Variants in C3orf22 observed in about 807,000 individuals in gnomAD.
C3orf22 encodes the protein uncharacterized protein C3orf22.
In C3orf22, 7 loss-of-function variants were observed where a neutral mutation model predicts 10.8. The ratio of observed to expected loss-of-function variants is 0.65; its 90% CI spans 0.37 to 1.22. The LOEUF is 1.22. Ranked by LOEUF, C3orf22 falls within the 50% of genes most tolerant of loss-of-function variation. C3orf22 has a pLI of 0.02. For missense variants in C3orf22, 173 were observed against 177.0 expected, an observed-to-expected ratio of 0.98 and a Z score of 0.13; for synonymous variants, 79 against 78.9, an observed-to-expected ratio of 1.00 and a Z score of 0.00.
intron 4 of C3orf22, chr3:126,536,194 A>T: frequency 1.6e-6 from 2 of 1,246,988 alleles, no homozygotes; most frequent in Non-Finnish European, 1.2e-6. Context: ...AAATGTGCCT[A>T]GATGGGTTGG....
At position 126,552,767 on chromosome 3, in the gene C3orf22, C is replaced by T. The variant is rs558429290; in HGVS notation, c.89+535G>A. 3.7e-4 allele frequency among the ~76,000 whole-genome samples: 57 copies of T among 152,336 alleles called. 1 individual carries two copies. The South Asian group carries it at 0.012, about 31-fold the overall frequency. On this transcript the variant is annotated intron_variant, in intron 2 of 3. Coordinates refer to ENST00000318225, the MANE Select transcript of C3orf22 (RefSeq NM_152533.3). ...GGTTGCACGGTGCCAAGCTGAGCCCCAGTGCCAGGTGCTGCCTGCTGTCCT... is the reference window on the plus strand; with the variant it reads ...GGTTGCACGGTGCCAAGCTGAGCCCTAGTGCCAGGTGCTGCCTGCTGTCCT...
At chr3:126,542,652 C>G in intron 4 of C3orf22, 1 of 1,391,906 alleles carries the variant, frequency 7.2e-7, no homozygotes, top group Non-Finnish European at 9.3e-7. Flanking sequence ...CAGGTGCTGC[C>G]GGCCCCAGGA....
chr3:126,529,388 G>A (rs1323891600), intron 4 of C3orf22: 1 of 1,289,112 alleles, frequency 7.8e-7, no homozygotes, highest in Admixed American at 2.3e-5. Flanking sequence ...GATGCCGCAA[G>A]GGGGGACAGG....
intron 4 of C3orf22, among the ~76,000 whole-genome samples, chr3:126,539,698 A>T (rs1412346354): frequency 1.9e-5 from 2 of 107,712 alleles, no homozygotes; most frequent in African/African-American, 7.4e-5. Context: ...CCACACACAC[A>T]CCACACACAT....
chr3:126,536,257 C>T lies in C3orf22; in HGVS notation c.287-6885G>A, dbSNP rs1414112204. On this transcript the variant is annotated intron_variant and NMD_transcript_variant, in intron 4 of 5. Transcript: ENST00000505070. ...TCTGATATGGTGGCGACATCTCTCT[C>T]CTTATGCCCACAGCATTTGGAAACA... The T allele has an allele frequency of 1.9e-6, 3 of 1,612,762 alleles. No homozygotes were observed. The South Asian group carries it at 3.3e-5, about 18-fold the overall frequency.
rs1937143995 is a variant in C3orf22 at position 126,549,957 on chromosome 3, G to T, written c.337C>A (p.Gln113Lys). The T allele has an allele frequency of 6.2e-7, 1 of 1,614,032 alleles. No homozygotes were observed. The change falls in exon 4 of 4, where the codon CAA becomes AAA. Residue 113 changes from glutamine (Q) to lysine (K), a missense_variant. Coordinates refer to ENST00000318225, the MANE Select transcript of C3orf22 (RefSeq NM_152533.3). ...CGGGTGGACAGCAGGAAGGCGAGTT[G>T]TCTGGGGAAGCGGCGACTCAGCAAC... ...LKLLSRRFPR[Q>K]LAFLLSTRHT...
chr3:126,546,333 C>T (rs796856472), downstream of C3orf22, among the ~76,000 whole-genome samples: 2 of 152,310 alleles, frequency 1.3e-5, no homozygotes, highest in African/African-American at 4.8e-5. Context: ...CTGCATGGTG[C>T]CCCAGATTTC....
intron 4 of C3orf22, among the ~76,000 whole-genome samples, chr3:126,543,711 AGTGTGCAT>A (rs1559750996): frequency 6.7e-6 from 1 of 150,358 alleles, no homozygotes. Context: ...TGAGTGTAAG[AGTGTGCAT>A]GTGTGCATGA....
At chr3:126,540,095 G>C (rs865976929) in intron 4 of C3orf22, among the ~76,000 whole-genome samples, 1 of 150,166 alleles carries the variant, frequency 6.7e-6, no homozygotes, top group African/African-American at 2.5e-5. Context: ...CACCACACAC[G>C]CACAGGACAC....
At chr3:126,552,568 T>C (rs1937219003) in intron 2 of C3orf22, among the ~76,000 whole-genome samples, 1 of 152,202 alleles carries the variant, frequency 6.6e-6, no homozygotes. Context: ...GGTGCTCAGC[T>C]GGCCCGGCAC....
Position 126,552,119 on chromosome 3 carries a change from C to T in C3orf22, c.93G>A (p.Leu31=), listed in dbSNP as rs199571483. ...CAGGGTCGGGCTCTGTCAGCCACGA[C>T]AACCTGCAACAGCACTTGGAATGTC... ...ENFAKKFPYR[L]SWLTEPDPEP... The change falls in exon 3 of 4, where the codon TTG becomes TTA. Residue 31 remains leucine (L), a synonymous_variant. Coordinates refer to ENST00000318225, the MANE Select transcript of C3orf22 (RefSeq NM_152533.3). 66 of 1,613,740 alleles carry T rather than the reference C, an allele frequency of 4.1e-5. No individual in the cohort carries two copies. Among genetic ancestry groups the T allele is most frequent in the Middle Eastern group, 1.6e-4 (1 of 6,062 alleles).
chr3:126,554,587 A>T (rs1478934320), intron 1 of C3orf22, among the ~76,000 whole-genome samples: 1 of 152,024 alleles, frequency 6.6e-6, no homozygotes, highest in Non-Finnish European at 1.5e-5. Context: ...ATTTTAAAGC[A>T]CCCCAGGTGA....
At chr3:126,544,641 C>T (rs1445781737) in intron 4 of C3orf22, among the ~76,000 whole-genome samples, 3 of 152,212 alleles carry the variant, frequency 2.0e-5, no homozygotes, top group East Asian at 1.9e-4. Flanking sequence ...TCCCACACAG[C>T]CCCCGATGGG....
At chr3:126,538,026 G>C (rs1013713812) in intron 4 of C3orf22, among the ~76,000 whole-genome samples, 1 of 152,186 alleles carries the variant, frequency 6.6e-6, no homozygotes, top group Admixed American at 6.5e-5. Flanking sequence ...AGTCCCAAGG[G>C]GCCTGAGTTG....
rs770408862 is a variant in C3orf22 at position 126,541,767 on chromosome 3, A to G, written c.286+7770T>C. The G allele has an allele frequency of 1.4e-5, 21 of 1,515,584 alleles. No individual in the cohort carries two copies. In the East Asian group the frequency reaches 5.4e-4, roughly 39 times the overall value. The allele number at this position is 1,515,584 out of a possible 1,614,324, so 93.9% of individuals were successfully genotyped here. On this transcript the variant is annotated intron_variant and NMD_transcript_variant, in intron 4 of 5. Coordinates refer to the C3orf22 transcript ENST00000505070. ...TCGACCCTGGCGAAGGTGCACCGGC[A>G]GCGGCGCGACCTGCTGAACAGCGCC...
intron 4 of C3orf22, among the ~76,000 whole-genome samples, chr3:126,536,601 G>C (rs570310099): frequency 6.6e-6 from 1 of 152,156 alleles, no homozygotes; most frequent in Admixed American, 6.5e-5. Flanking sequence ...ATAGTTCTTT[G>C]TGTTGCAGAT....
intron 1 of C3orf22, among the ~76,000 whole-genome samples, chr3:126,555,436 G>C (rs952475302): frequency 6.6e-6 from 1 of 152,198 alleles, no homozygotes; most frequent in Non-Finnish European, 1.5e-5. Context: ...CCCCGCTCCA[G>C]CATGGAACTG....
At chr3:126,552,202 A>C (rs1257233542) in intron 2 of C3orf22, 80 bp from the exon 3 acceptor site, 18 of 1,599,726 alleles carry the variant, frequency 1.1e-5, no homozygotes, top group Non-Finnish European at 1.5e-5. Flanking sequence ...GGAACTTTCC[A>C]TCTGCTAGGC....
chr3:126,533,999 G>T (rs1936711894), intron 4 of C3orf22, among the ~76,000 whole-genome samples: 4 of 152,182 alleles, frequency 2.6e-5, no homozygotes, highest in African/African-American at 9.6e-5. Flanking sequence ...TTTCTCATTT[G>T]TTGGGCTACA....
Sources: allele counts gnomAD v4.1 joint callset (sites outside exome capture counted in the v4.1 genomes callset), GRCh38; gene constraint gnomAD v4.1.1; transcripts MANE v1.5; gene names NCBI Gene and HGNC (gene_info 2026-07-23, HGNC 2026-07-21).